The following PON3 variants were observed in gnomAD, a reference collection of about 807,000 sequenced individuals.
The protein encoded by PON3 is serum paraoxonase/lactonase 3.
PON3 carries 37 observed loss-of-function variants against 36.3 expected under a neutral mutation model. The observed-to-expected ratio is 1.02, with a 90% CI of 0.78 to 1.34. The LOEUF (loss-of-function observed/expected upper bound fraction) is 1.34, where lower values mean the gene tolerates loss of function less well. Among genes scored for constraint, PON3 ranks in the 40% most tolerant of loss-of-function variants. The probability of loss-of-function intolerance (pLI) is 0.00; values close to 1 mark genes in which losing one functional copy is unlikely to be tolerated. For missense variants in PON3, 415 were observed against 426.5 expected (o/e 0.97, Z 0.24); for synonymous variants, 155 against 154.8 (o/e 1.00, Z -0.01).
At chr7:95,368,120 T>C (rs990075770) in intron 4 of PON3, among the ~76,000 whole-genome samples, 2 of 152,160 alleles carry the variant, frequency 1.3e-5, no homozygotes, top group African/African-American at 4.8e-5. Flanking sequence ...TCAATTGGAA[T>C]GTGAACTGCT....
At chr7:95,380,496 G>A (rs2116404237) in intron 3 of PON3, among the ~76,000 whole-genome samples, 1 of 152,292 alleles carries the variant, frequency 6.6e-6, no homozygotes, top group East Asian at 1.9e-4. Context: ...CCAATGCAGA[G>A]AAGTCCTTAA....
At chr7:95,377,522 C>A (rs1170403746) in intron 3 of PON3, 2 of 414,738 alleles carry the variant, frequency 4.8e-6, no homozygotes, top group African/African-American at 2.1e-5. Flanking sequence ...CCAGTAGGGG[C>A]TGACAGATAC....
In PON3 at chr7:95,362,830, A is replaced by G. The variant is rs1177597971; in HGVS notation, c.707T>C (p.Val236Ala). The G allele has an allele frequency of 6.2e-7, 1 of 1,607,694 alleles. No individual in the cohort carries two copies. Among genetic ancestry groups the G allele is most frequent in the African/African-American group, 1.3e-5 (1 of 74,772 alleles). Residue 236 changes from valine (V) to alanine (A), a missense_variant, in exon 7 of 9, where the codon GTA (valine) becomes GCA (alanine). By Grantham distance (64) the Val-to-Ala change is moderately conservative. Transcript: ENST00000265627. The stretch of plus-strand genomic sequence containing the variant: ...AATGTTCTTAGCTGCTACATCAGCT[A>G]CATAGACATACCTTTGAAGTAAATG... Reference protein sequence around the residue: ...TVSADQKYVYVADVAAKNIHI... With the variant: ...TVSADQKYVYAADVAAKNIHI...
chr7:95,364,788 G>C (rs1481809739), intron 5 of PON3: 1 of 152,282 alleles, frequency 6.6e-6, no homozygotes, highest in Non-Finnish European at 1.5e-5. Flanking sequence ...TCTCTGAGTA[G>C]ATGGAATTAT....
chr7:95,366,332 G>A (rs1249875990), intron 5 of PON3, among the ~76,000 whole-genome samples: 1 of 152,184 alleles, frequency 6.6e-6, no homozygotes. Context: ...CAACCCTGTG[G>A]AAGTCCTGTT....
chr7:95,395,732 A>C, intron 1 of PON3: 1 of 169,480 alleles, frequency 5.9e-6, no homozygotes, highest in Admixed American at 5.5e-5. Flanking sequence ...CTTCCACTTC[A>C]AAAGGTCAAA....
At chr7:95,389,472 A>G (rs1413556776) in intron 3 of PON3, among the ~76,000 whole-genome samples, 1 of 152,202 alleles carries the variant, frequency 6.6e-6, no homozygotes, top group Non-Finnish European at 1.5e-5. Context: ...TCAAAATCAT[A>G]TCCCCATTTC....
chr7:95,388,449 G>A (rs1809249642), intron 3 of PON3, among the ~76,000 whole-genome samples: 2 of 152,276 alleles, frequency 1.3e-5, no homozygotes, highest in East Asian at 3.9e-4. Context: ...ACAGATGGTG[G>A]AGAAGATGTG....
At chr7:95,394,506 G>A in intron 2 of PON3, 138 bp downstream of exon 2, 1 of 740,722 alleles carries the variant, frequency 1.4e-6, no homozygotes, top group Non-Finnish European at 2.4e-6. Context: ...ACCTTGCATG[G>A]GGCAGAGTGG....
In PON3 at chr7:95,360,079, T is replaced by C. The variant is rs1808531815; in HGVS notation, c.959A>G (p.Tyr320Cys). 1.2e-6 allele frequency: 2 copies of C among 1,613,436 alleles called. No individual in the cohort carries two copies. Among genetic ancestry groups the C allele is most frequent in the East Asian group, 2.2e-5 (1 of 44,866 alleles). ...LSEKPRVSTV[Y>C]ANNGSVLQGT... ...CTGAAGCACAGAGCCATTGTTGGCA[T>C]ACACGGTGCTCACCCTGGGCTTCTC... Residue 320 changes from tyrosine (Y) to cysteine (C), a missense_variant, in exon 9 of 9, where the codon TAT (tyrosine) becomes TGT (cysteine). Coordinates refer to ENST00000265627, the MANE Select transcript of PON3 (RefSeq NM_000940.3).
intron 3 of PON3, among the ~76,000 whole-genome samples, chr7:95,376,221 C>A (rs1472269012): frequency 1.3e-5 from 2 of 152,160 alleles, no homozygotes; most frequent in Admixed American, 6.5e-5. Flanking sequence ...CCACAATGAA[C>A]CCTCACAAAG....
intron 3 of PON3, among the ~76,000 whole-genome samples, chr7:95,381,248 A>T (rs1809046645): frequency 6.6e-6 from 1 of 152,224 alleles, no homozygotes; most frequent in Non-Finnish European, 1.5e-5. Flanking sequence ...CTGCAAAAAC[A>T]TGCCAAATTG....
intron 3 of PON3, among the ~76,000 whole-genome samples, chr7:95,386,963 C>A (rs17879949): frequency 0.028 from 4,244 of 152,182 alleles, 113 homozygotes; most frequent in African/African-American, 0.068. Context: ...TCTCAATAAA[C>A]TAGGTATTGA....
chr7:95,382,981 G>A (rs189252419), intron 3 of PON3, among the ~76,000 whole-genome samples: 43 of 152,208 alleles, frequency 2.8e-4, no homozygotes, highest in African/African-American at 9.4e-4. Flanking sequence ...AAATCCAGCA[G>A]CACATCAAAA....
At chr7:95,382,546 A>G (rs1203316800) in intron 3 of PON3, among the ~76,000 whole-genome samples, 2 of 152,252 alleles carry the variant, frequency 1.3e-5, no homozygotes, top group African/African-American at 2.4e-5. Context: ...ACAGAAATAC[A>G]AACTACCATC....
At chr7:95,371,972 C>T (rs1024806653) in intron 4 of PON3, among the ~76,000 whole-genome samples, 1 of 152,004 alleles carries the variant, frequency 6.6e-6, no homozygotes, top group Non-Finnish European at 1.5e-5. Flanking sequence ...GAGGAGGAGG[C>T]CACATAGGGC....
intron 5 of PON3, among the ~76,000 whole-genome samples, chr7:95,366,319 C>T (rs1808692223): frequency 6.6e-6 from 1 of 152,182 alleles, no homozygotes; most frequent in South Asian, 2.1e-4. Flanking sequence ...CACAGTTTCC[C>T]AGCAACCCTG....
At chr7:95,383,876 A>C (rs997241391) in intron 3 of PON3, among the ~76,000 whole-genome samples, 14 of 152,214 alleles carry the variant, frequency 9.2e-5, no homozygotes, top group African/African-American at 3.4e-4. Context: ...GTGGAACCAA[A>C]AATGAGCCCG....
intron 5 of PON3, among the ~76,000 whole-genome samples, chr7:95,366,417 T>G (rs939978047): frequency 1.3e-5 from 2 of 152,206 alleles, no homozygotes; most frequent in Non-Finnish European, 2.9e-5. Flanking sequence ...CTTACTTCTA[T>G]GCTCTGCACT....
Sources: allele counts gnomAD v4.1 joint callset (sites outside exome capture counted in the v4.1 genomes callset), GRCh38; gene constraint gnomAD v4.1.1; transcripts MANE v1.5; gene names NCBI Gene and HGNC (gene_info 2026-07-23, HGNC 2026-07-21).